Variants in RIN2 observed in about 807,000 individuals in gnomAD.
The protein encoded by RIN2 is Ras and Rab interactor 2.
A neutral mutation model predicts 78.0 loss-of-function variants in RIN2; 36 were observed. The observed-to-expected ratio is 0.46, with a 90% CI of 0.35 to 0.61. The LOEUF (loss-of-function observed/expected upper bound fraction) is 0.61. Among genes scored for constraint, RIN2 ranks in the 20% least tolerant of loss-of-function variants. RIN2 has a pLI of 0.00. For synonymous variants in RIN2, 466 were observed against 466.8 expected, an observed-to-expected ratio of 1.00 and a Z score of 0.02; for missense variants, 1,087 against 1,159.7, an observed-to-expected ratio of 0.94 and a Z score of 0.91.
chr20:19,889,360 G>C, intron 2 of RIN2: 1 of 1,242,084 alleles, frequency 8.1e-7, no homozygotes, highest in Non-Finnish European at 1.0e-6. Flanking sequence ...TGGGAGGTGG[G>C]CTGGCGAGGT....
intron 7 of RIN2, among the ~76,000 whole-genome samples, chr20:19,965,562 C>A (rs1470091592): frequency 6.6e-6 from 1 of 152,180 alleles, no homozygotes; most frequent in Non-Finnish European, 1.5e-5. Flanking sequence ...TTTTCATAAC[C>A]AAAGCAACTA....
chr20:19,899,357 A>G (rs962404857), intron 3 of RIN2, among the ~76,000 whole-genome samples: 1 of 152,208 alleles, frequency 6.6e-6, no homozygotes, highest in Admixed American at 6.5e-5. Context: ...GGTGAATTGG[A>G]TGGAGAATAA....
At chr20:19,904,243 AT>A (rs11469188) in intron 3 of RIN2, among the ~76,000 whole-genome samples, 4,895 of 50,210 alleles carry the variant, frequency 0.097, 90 homozygotes, top group Non-Finnish European at 0.14. Flanking sequence ...AAAAAAAAAT[AT>A]ATATATATAT....
chr20:19,790,258 G>A (rs775541073), intron 1 of RIN2, among the ~76,000 whole-genome samples: 71 of 152,050 alleles, frequency 4.7e-4, no homozygotes, highest in Middle Eastern at 3.4e-3. Flanking sequence ...TACACCCACC[G>A]ACACCAGCAA....
chr20:19,956,579 G>A (rs538533885), intron 4 of RIN2, 36 bp from the exon 5 acceptor site: 2 of 1,596,368 alleles, frequency 1.3e-6, no homozygotes, highest in South Asian at 1.1e-5. Context: ...AAATGGTACT[G>A]CAGCCAGCTG....
At chr20:19,787,084 A>T (rs2034701521) in intron 1 of RIN2, among the ~76,000 whole-genome samples, 2 of 152,134 alleles carry the variant, frequency 1.3e-5, no homozygotes, top group Non-Finnish European at 2.9e-5. Context: ...CTCTCAAGTT[A>T]ATTCTATGGT....
chr20:19,818,835 C>T (rs542642530), intron 2 of RIN2, among the ~76,000 whole-genome samples: 1 of 148,800 alleles, frequency 6.7e-6, no homozygotes, highest in Non-Finnish European at 1.5e-5. Context: ...ATATCAAAAA[C>T]AGCAAAAATT....
intron 11 of RIN2, among the ~76,000 whole-genome samples, chr20:19,996,036 C>T (rs1321493303): frequency 6.6e-6 from 1 of 152,164 alleles, no homozygotes; most frequent in East Asian, 1.9e-4. Context: ...ATAATTTCGG[C>T]TGGGCATGGT....
In RIN2 at chr20:19,922,633, G is replaced by A. The variant is rs536151260; in HGVS notation, c.58-12466G>A. Reference sequence around the variant, plus strand: ...AGGAGTACCACGTGCTCCATTTTCTGAGGCTCTCCTAATTTCAAATATTCT... The same window carrying A: ...AGGAGTACCACGTGCTCCATTTTCTAAGGCTCTCCTAATTTCAAATATTCT... On this transcript the variant is annotated intron_variant, in intron 3 of 12. Transcript: ENST00000255006. Among the ~76,000 whole-genome samples, 155 of 152,254 alleles carry A rather than the reference G, an allele frequency of 1.0e-3. 1 individual carries two copies. Among genetic ancestry groups the A allele is most frequent in the Non-Finnish European group, 1.7e-3 (119 of 68,024 alleles).
At chr20:19,884,382 G>A (rs1490497777) in intron 2 of RIN2, among the ~76,000 whole-genome samples, 2 of 152,040 alleles carry the variant, frequency 1.3e-5, no homozygotes, top group East Asian at 3.9e-4. Flanking sequence ...CGTGACTGCA[G>A]CAATGCACTC....
chr20:19,803,464 C>G (rs2035310285), intron 2 of RIN2, among the ~76,000 whole-genome samples: 2 of 152,124 alleles, frequency 1.3e-5, no homozygotes, highest in African/African-American at 4.8e-5. Context: ...TGATTTTTGA[C>G]AAACCTGACA....
intron 3 of RIN2, among the ~76,000 whole-genome samples, chr20:19,916,040 G>A (rs1309822216): frequency 6.6e-6 from 1 of 152,204 alleles, no homozygotes; most frequent in Non-Finnish European, 1.5e-5. Context: ...AAGAGACCGA[G>A]ACCATCCTGG....
intron 7 of RIN2, among the ~76,000 whole-genome samples, chr20:19,968,006 G>A (rs2041990617): frequency 6.6e-6 from 1 of 152,112 alleles, no homozygotes; most frequent in Non-Finnish European, 1.5e-5. Flanking sequence ...ACTCAGGCCT[G>A]CCTTAATGCC....
intron 3 of RIN2, among the ~76,000 whole-genome samples, chr20:19,901,439 A>C (rs1239945168): frequency 6.6e-6 from 1 of 152,010 alleles, no homozygotes; most frequent in Non-Finnish European, 1.5e-5. Flanking sequence ...TGCCCCACCC[A>C]GCGTCGAACA....
intron 1 of RIN2, among the ~76,000 whole-genome samples, chr20:19,796,079 G>A (rs796198939): frequency 4.0e-5 from 5 of 124,432 alleles, no homozygotes; most frequent in African/African-American, 2.4e-4. Flanking sequence ...AGGAAGAAAA[G>A]AGCAAAGAAA....
intron 2 of RIN2, among the ~76,000 whole-genome samples, chr20:19,810,861 A>ATTTT (rs143182650): frequency 3.4e-4 from 47 of 136,766 alleles, no homozygotes; most frequent in African/African-American, 1.4e-3. Context: ...GCCCGGCTAA[A>ATTTT]TTTTGTGTGT....
At chr20:19,839,309 A>G (rs1163302384) in intron 2 of RIN2, among the ~76,000 whole-genome samples, 1 of 152,250 alleles carries the variant, frequency 6.6e-6, no homozygotes, top group Non-Finnish European at 1.5e-5. Context: ...TGGCAGTGAG[A>G]ATAACTTGCC....
intron 1 of RIN2, among the ~76,000 whole-genome samples, chr20:19,793,305 C>T (rs2034946834): frequency 6.6e-6 from 1 of 152,144 alleles, no homozygotes; most frequent in Non-Finnish European, 1.5e-5. Context: ...ATATTTTCTA[C>T]TTACAAAGCA....
At chr20:19,895,478 T>C (rs1046489367) in intron 3 of RIN2, among the ~76,000 whole-genome samples, 2 of 152,146 alleles carry the variant, frequency 1.3e-5, no homozygotes, top group Non-Finnish European at 2.9e-5. Context: ...CTAACCTTCC[T>C]TGGCCTCTGG....
Sources: allele counts gnomAD v4.1 joint callset (sites outside exome capture counted in the v4.1 genomes callset), GRCh38; gene constraint gnomAD v4.1.1; transcripts MANE v1.5; gene names NCBI Gene and HGNC (gene_info 2026-07-23, HGNC 2026-07-21).